Variants in THSD4 observed in about 807,000 individuals in gnomAD.
THSD4 encodes the protein thrombospondin type-1 domain-containing protein 4.
THSD4 carries 69 observed loss-of-function variants against 119.0 expected under a neutral mutation model. The observed-to-expected ratio is 0.58, with a 90% confidence interval of 0.48 to 0.71. THSD4 has a LOEUF of 0.71. Among genes scored for constraint, THSD4 ranks in the 30% least tolerant of loss-of-function variants. The probability of loss-of-function intolerance (pLI) is 0.00; values close to 1 mark genes in which losing one functional copy is unlikely to be tolerated. For synonymous variants in THSD4, 524 were observed against 540.4 expected (o/e 0.97, Z 0.42); for missense variants, 1,393 against 1,391.1 (o/e 1.00, Z -0.02).
chr15:71,756,466 G>C (rs2053540307), intron 14 of THSD4, among the ~76,000 whole-genome samples: 2 of 152,126 alleles, frequency 1.3e-5, no homozygotes, highest in African/African-American at 2.4e-5. Flanking sequence ...AGGACACCCA[G>C]ATAAGGACGC....
At chr15:71,450,994 A>G (rs1357854287) in intron 7 of THSD4, among the ~76,000 whole-genome samples, 1 of 152,204 alleles carries the variant, frequency 6.6e-6, no homozygotes, top group Non-Finnish European at 1.5e-5. Context: ...CCTGGTCAAC[A>G]TGGCGAAACA....
Position 71,373,583 on chromosome 15 carries a change from A to G in THSD4, c.1016-38104A>G, listed in dbSNP as rs113180166. Among the ~76,000 whole-genome samples the G allele has an allele frequency of 9.0e-3, 1,367 of 152,280 alleles. 38 individuals carry two copies. Among genetic ancestry groups the G allele is most frequent in the Admixed American group, 0.055 (844 of 15,300 alleles). On this transcript the variant is annotated intron_variant, in intron 6 of 17. Coordinates refer to ENST00000261862, the MANE Select transcript of THSD4 (RefSeq NM_024817.3). ...TTGGGATCTTTTCTGGATCCATAAG[A>G]TCTGGTGGTGAAGCTTTCCTTCAGC... is the stretch of plus-strand genomic sequence containing the variant.
chr15:71,430,981 AC>A (rs1043932477), intron 7 of THSD4, among the ~76,000 whole-genome samples: 5 of 152,150 alleles, frequency 3.3e-5, no homozygotes, highest in African/African-American at 1.2e-4. Flanking sequence ...GTGTTCTGTT[AC>A]AAGAAGAACA....
chr15:71,317,472 C>T (rs1596333120), intron 6 of THSD4, among the ~76,000 whole-genome samples: 1 of 152,140 alleles, frequency 6.6e-6, no homozygotes, highest in African/African-American at 2.4e-5. Flanking sequence ...GGGGAACTCC[C>T]CTTTTATAAA....
rs139548538 is a variant in THSD4 at position 71,287,996 on chromosome 15, G to A, written c.1015+31281G>A. Among the ~76,000 whole-genome samples, 41 of 152,160 alleles carry A rather than the reference G, an allele frequency of 2.7e-4. 1 individual carries two copies. Among genetic ancestry groups the A allele is most frequent in the African/African-American group, 7.5e-4 (31 of 41,504 alleles). On this transcript the variant is annotated intron_variant, in intron 6 of 17. Transcript: ENST00000261862. ...ACATTTGAGTAACTTTATACACGAC[G>A]CGCAACATGCCCTGTAAATATAGAT...
chr15:71,161,679 GT>G (rs953472126), intron 3 of THSD4, among the ~76,000 whole-genome samples: 2 of 149,718 alleles, frequency 1.3e-5, no homozygotes, highest in Non-Finnish European at 3.0e-5. Context: ...GTTGGATCTT[GT>G]TTTTTTTTAA....
intron 1 of THSD4, among the ~76,000 whole-genome samples, chr15:71,124,804 A>G (rs1414727799): frequency 6.6e-6 from 1 of 152,138 alleles, no homozygotes; most frequent in Admixed American, 6.5e-5. Flanking sequence ...GCACTTTGGG[A>G]GGCCGGGATG....
intron 6 of THSD4, among the ~76,000 whole-genome samples, chr15:71,327,219 T>G (rs2045358105): frequency 6.6e-6 from 1 of 151,942 alleles, no homozygotes; most frequent in Admixed American, 6.6e-5. Context: ...CTTCATTCCA[T>G]TCCTTCTTTT....
chr15:71,371,375 G>A (rs566651828), intron 6 of THSD4, among the ~76,000 whole-genome samples: 5 of 152,270 alleles, frequency 3.3e-5, no homozygotes, highest in African/African-American at 9.6e-5. Context: ...TCCTAGCATC[G>A]ATGGTCTTTA....
chr15:71,554,727 C>CT (rs34568649), intron 7 of THSD4, among the ~76,000 whole-genome samples: 41 of 148,554 alleles, frequency 2.8e-4, no homozygotes, highest in Middle Eastern at 6.9e-3. Context: ...AAAAAGTTAC[C>CT]TTTTTTTTTT....
chr15:71,626,848 C>G (rs1259034961), intron 7 of THSD4, among the ~76,000 whole-genome samples: 1 of 152,158 alleles, frequency 6.6e-6, no homozygotes, highest in Non-Finnish European at 1.5e-5. Context: ...CAAGGACATA[C>G]TATGTCATTA....
intron 5 of THSD4, among the ~76,000 whole-genome samples, chr15:71,243,405 A>G (rs550554415): frequency 8.5e-5 from 13 of 152,288 alleles, no homozygotes; most frequent in African/African-American, 3.1e-4. Flanking sequence ...AGTGACTTAT[A>G]TTAACAATAT....
At chr15:71,123,246 G>A (rs947270631) in intron 1 of THSD4, among the ~76,000 whole-genome samples, 17 of 152,354 alleles carry the variant, frequency 1.1e-4, no homozygotes, top group African/African-American at 3.8e-4. Flanking sequence ...GCATTGCTAT[G>A]CAGTCATTCA....
rs564858636 is a variant in THSD4, at chr15:71,450,201, A to T, written c.1152+38378A>T. Among the ~76,000 whole-genome samples, 65 of 152,316 alleles carry T rather than the reference A, an allele frequency of 4.3e-4. 1 individual carries two copies. Among genetic ancestry groups the T allele is most frequent in the Non-Finnish European group, 5.1e-4 (35 of 68,028 alleles). On this transcript the variant is annotated intron_variant, in intron 7 of 17. Transcript: ENST00000261862. The stretch of plus-strand genomic sequence containing the variant: ...CGCCTTGAGTCATTGTAGTTAGTGA[A>T]TTGGGTGGCTGCGTGTCCATATGCC...
At chr15:71,674,037 CAA>C in intron 8 of THSD4, among the ~76,000 whole-genome samples, 1 of 152,208 alleles carries the variant, frequency 6.6e-6, no homozygotes, top group Non-Finnish European at 1.5e-5. Context: ...CCCAGAAGAA[CAA>C]AAAGAGAAAG....
intron 6 of THSD4, among the ~76,000 whole-genome samples, chr15:71,383,667 T>C (rs1168821378): frequency 6.6e-6 from 1 of 152,144 alleles, no homozygotes; most frequent in East Asian, 1.9e-4. Context: ...GCCAGAAAAG[T>C]GTATAGTCGG....
intron 7 of THSD4, among the ~76,000 whole-genome samples, chr15:71,451,105 G>A (rs1392262555): frequency 6.6e-6 from 1 of 152,128 alleles, no homozygotes; most frequent in Non-Finnish European, 1.5e-5. Flanking sequence ...TTAAACCCGG[G>A]AGGCAGAGGT....
intron 6 of THSD4, among the ~76,000 whole-genome samples, chr15:71,312,454 C>T (rs1025417886): frequency 6.6e-6 from 1 of 151,986 alleles, no homozygotes; most frequent in African/African-American, 2.4e-5. Flanking sequence ...ACAGAGACAC[C>T]AGGGCTGCAT....
intron 7 of THSD4, among the ~76,000 whole-genome samples, chr15:71,594,901 G>A (rs1055887619): frequency 1.3e-5 from 2 of 152,188 alleles, no homozygotes; most frequent in African/African-American, 2.4e-5. Flanking sequence ...TCCTTTGGGA[G>A]GGAGGGATTG....
Sources: allele counts gnomAD v4.1 joint callset (sites outside exome capture counted in the v4.1 genomes callset), GRCh38; gene constraint gnomAD v4.1.1; transcripts MANE v1.5; gene names NCBI Gene and HGNC (gene_info 2026-07-23, HGNC 2026-07-21).